The following IMPG1 variants were observed in gnomAD, a reference collection of about 807,000 sequenced individuals.
IMPG1 encodes the protein interphotoreceptor matrix proteoglycan of 150 kDa.
In IMPG1, 85 loss-of-function variants were observed where a neutral mutation model predicts 92.0. The ratio of observed to expected loss-of-function variants is 0.92; its 90% CI spans 0.78 to 1.11. The LOEUF (loss-of-function observed/expected upper bound fraction) is 1.11. Among genes scored for constraint, IMPG1 ranks in the 50% least tolerant of loss-of-function variants. IMPG1 has a pLI of 0.00. For synonymous variants in IMPG1, 367 were observed against 334.1 expected, an observed-to-expected ratio of 1.10 and a Z score of -1.08; for missense variants, 1,022 against 956.0, an observed-to-expected ratio of 1.07 and a Z score of -0.91.
At chr6:76,070,782 T>G (rs1316654421) in intron 1 of IMPG1, among the ~76,000 whole-genome samples, 1 of 151,722 alleles carries the variant, frequency 6.6e-6, no homozygotes, top group East Asian at 1.9e-4. Flanking sequence ...AAGAAAGACA[T>G]AGAGAGTGGA....
At chr6:75,986,452 G>A (rs1387070946) in intron 12 of IMPG1, among the ~76,000 whole-genome samples, 2 of 152,124 alleles carry the variant, frequency 1.3e-5, no homozygotes, top group Admixed American at 6.5e-5. Context: ...TCAAATCATG[G>A]GCAAATTGGT....
chr6:76,034,419 C>T (rs1320744108), intron 3 of IMPG1, 76 bp from the exon 4 acceptor site: 1 of 1,379,198 alleles, frequency 7.3e-7, no homozygotes, highest in Non-Finnish European at 1.0e-6. Context: ...AATTTTCATT[C>T]CCTTCTCCCT....
intron 14 of IMPG1, among the ~76,000 whole-genome samples, chr6:75,941,641 A>G (rs1781837918): frequency 6.6e-6 from 1 of 152,222 alleles, no homozygotes; most frequent in Non-Finnish European, 1.5e-5. Context: ...ACTATGGATT[A>G]TGGTCCAGAC....
intron 12 of IMPG1, among the ~76,000 whole-genome samples, chr6:75,995,202 A>G (rs1782875929): frequency 6.6e-6 from 1 of 152,172 alleles, no homozygotes; most frequent in African/African-American, 2.4e-5. Flanking sequence ...TGTCCTAGCT[A>G]TCAACATTTC....
intron 12 of IMPG1, among the ~76,000 whole-genome samples, chr6:75,965,553 T>C (rs1782292070): frequency 6.6e-6 from 1 of 151,828 alleles, no homozygotes; most frequent in African/African-American, 2.4e-5. Context: ...GCTCATTTTC[T>C]ACTGGAATTT....
intron 4 of IMPG1, 71 bp from the exon 5 acceptor site, chr6:76,025,329 A>G: frequency 7.3e-6 from 6 of 817,724 alleles, no homozygotes; most frequent in Non-Finnish European, 1.2e-5. Context: ...ACATACATTT[A>G]AATTTCTTAT....
intron 12 of IMPG1, among the ~76,000 whole-genome samples, chr6:75,979,561 T>G (rs1183755636): frequency 2.6e-5 from 4 of 152,196 alleles, no homozygotes; most frequent in Non-Finnish European, 5.9e-5. Flanking sequence ...GTGGTATAAC[T>G]GTCTTGAAGT....
intron 9 of IMPG1, among the ~76,000 whole-genome samples, chr6:76,006,485 T>C (rs1783101516): frequency 6.8e-6 from 1 of 148,020 alleles, no homozygotes; most frequent in Non-Finnish European, 1.5e-5. Flanking sequence ...TAGGTGTATA[T>C]ATACACACAT....
chr6:76,027,787 T>G (rs1355550867), intron 4 of IMPG1, among the ~76,000 whole-genome samples: 1 of 152,182 alleles, frequency 6.6e-6, no homozygotes, highest in Admixed American at 6.5e-5. Context: ...ATAAAAGGTT[T>G]TTGCTTCTTT....
chr6:75,943,635 A>C lies in IMPG1; in HGVS notation c.2044+3679T>G, dbSNP rs1781873624. On this transcript the variant is annotated intron_variant, in intron 14 of 16. Coordinates refer to ENST00000369950, the MANE Select transcript of IMPG1 (RefSeq NM_001563.4). The stretch of plus-strand genomic sequence containing the variant: ...TATAGCAATACAAACAGAAAAAGAC[A>C]GCTGGTATTCCATCTCCCCAGCCCT... 4.6e-5 allele frequency among the ~76,000 whole-genome samples: 7 copies of C among 152,248 alleles called. 1 individual carries two copies. Among genetic ancestry groups the C allele is most frequent in the Admixed American group, 2.6e-4 (4 of 15,288 alleles).
intron 7 of IMPG1, among the ~76,000 whole-genome samples, chr6:76,015,735 G>A (rs1324168955): frequency 6.8e-6 from 1 of 146,468 alleles, no homozygotes; most frequent in African/African-American, 2.5e-5. Context: ...AGGAGGCGGA[G>A]GTTGCAGTGA....
intron 4 of IMPG1, among the ~76,000 whole-genome samples, chr6:76,031,877 A>G (rs1783657936): frequency 6.6e-6 from 1 of 152,250 alleles, no homozygotes; most frequent in African/African-American, 2.4e-5. Context: ...GTCCTTTACT[A>G]AAAGATGTCA....
intron 4 of IMPG1, among the ~76,000 whole-genome samples, chr6:76,031,098 C>T (rs1783645687): frequency 6.6e-6 from 1 of 152,148 alleles, no homozygotes; most frequent in Non-Finnish European, 1.5e-5. Flanking sequence ...CCTAAATTTT[C>T]ATGGCTGTGG....
intron 7 of IMPG1, among the ~76,000 whole-genome samples, chr6:76,013,300 A>G (rs571295238): frequency 2.6e-5 from 4 of 152,170 alleles, no homozygotes; most frequent in African/African-American, 9.6e-5. Context: ...ACTTCCTGCC[A>G]TCATTATCCC....
chr6:76,056,943 C>T (rs1784129728), intron 1 of IMPG1, among the ~76,000 whole-genome samples: 1 of 152,132 alleles, frequency 6.6e-6, no homozygotes, highest in African/African-American at 2.4e-5. Context: ...GGTACATATA[C>T]ACCATGGAAT....
rs2149482433 is a variant in IMPG1, at chr6:76,018,850, T to C, written c.675A>G (p.Glu225=). The change falls in exon 7 of 17, where the codon GAA becomes GAG. Residue 225 remains glutamate, a synonymous_variant. Transcript: ENST00000369950. ...NDTKMPTTER[E]TEFAVLEEQR... ...GCTCCTCCAACACAGCGAATTCTGT[T>C]TCTCTTTCCTGAGTTTAAAAAAAAA... The C allele has an allele frequency of 1.3e-6, 2 of 1,585,552 alleles. No individual in the cohort carries two copies. Among genetic ancestry groups the C allele is most frequent in the Non-Finnish European group, 1.7e-6 (2 of 1,169,058 alleles).
At chr6:76,048,460 C>T (rs566216019) in intron 1 of IMPG1, among the ~76,000 whole-genome samples, 11 of 152,172 alleles carry the variant, frequency 7.2e-5, no homozygotes, top group Admixed American at 5.9e-4. Context: ...TCACTGGCTG[C>T]GTCTGTGATC....
chr6:75,938,841 CAAAACAAAAA>C (rs1360993733), intron 14 of IMPG1, among the ~76,000 whole-genome samples: 30 of 150,846 alleles, frequency 2.0e-4, no homozygotes, highest in African/African-American at 7.2e-4. Context: ...CAAAACAAAA[CAAAACAAAAA>C]AATACTATAC....
At chr6:75,986,090 A>G (rs1166397920) in intron 12 of IMPG1, among the ~76,000 whole-genome samples, 2 of 152,184 alleles carry the variant, frequency 1.3e-5, no homozygotes, top group Non-Finnish European at 1.5e-5. Flanking sequence ...TGTGTTCATC[A>G]TGGTAAATGA....
Sources: gnomAD v4.1 joint callset for allele counts (sites outside exome capture counted in the v4.1 genomes callset) on GRCh38, gnomAD v4.1.1 for gene constraint, MANE v1.5 for transcripts, NCBI Gene and HGNC (gene_info 2026-07-23, HGNC 2026-07-21) for gene names.